The following ARB2A variants were observed in gnomAD, a reference collection of about 807,000 sequenced individuals.
The protein encoded by ARB2A is ARB2 cotranscriptional regulator A.
chr5:94,074,529 A>G, the ARB2A span: 1 of 710,768 alleles, frequency 1.4e-6, no homozygotes, highest in Admixed American at 3.1e-5. Context: ...AATTGCAAAT[A>G]CTTTAGGTAC....
the ARB2A span, chr5:93,860,567 A>T: frequency 6.6e-6 from 1 of 152,086 alleles, no homozygotes; most frequent in Non-Finnish European, 1.5e-5. Flanking sequence ...GAACATTAAG[A>T]CAAAATTCAT....
At chr5:93,809,611 A>G in the ARB2A span, among the ~76,000 whole-genome samples, 1 of 151,894 alleles carries the variant, frequency 6.6e-6, no homozygotes, top group Admixed American at 6.6e-5. Flanking sequence ...GCATAGAGAT[A>G]AAAAAAATCA....
the ARB2A span, among the ~76,000 whole-genome samples, chr5:93,747,603 C>T: frequency 3.9e-5 from 6 of 152,100 alleles, no homozygotes; most frequent in Non-Finnish European, 5.9e-5. Flanking sequence ...TTCCAGTCAC[C>T]TCACTATAAT....
At chr5:94,034,957 A>C in the ARB2A span, among the ~76,000 whole-genome samples, 509 of 152,252 alleles carry the variant, frequency 3.3e-3, 4 homozygotes, top group African/African-American at 0.012. Context: ...CACACTCCTT[A>C]TGAGAATCTA....
At chr5:94,090,127 T>G in the ARB2A span, among the ~76,000 whole-genome samples, 1 of 152,246 alleles carries the variant, frequency 6.6e-6, no homozygotes, top group Non-Finnish European at 1.5e-5. Flanking sequence ...TTCTTAAAAA[T>G]GAATCAATAT....
the ARB2A span, among the ~76,000 whole-genome samples, chr5:94,085,998 A>G: frequency 6.6e-6 from 1 of 152,222 alleles, no homozygotes; most frequent in African/African-American, 2.4e-5. Flanking sequence ...GCAAAATTCA[A>G]TAGTTATTAC....
At chr5:93,900,268 T>C in the ARB2A span, among the ~76,000 whole-genome samples, 1 of 152,034 alleles carries the variant, frequency 6.6e-6, no homozygotes, top group African/African-American at 2.4e-5. Flanking sequence ...AATAAAGTAT[T>C]AAGGTAAAAA....
the ARB2A span, among the ~76,000 whole-genome samples, chr5:93,709,774 CAATT>C: frequency 3.3e-5 from 5 of 150,598 alleles, no homozygotes; most frequent in Non-Finnish European, 2.9e-5. Flanking sequence ...GTCTAGTTGA[CAATT>C]TATTTTTGTT....
chr5:93,682,826 A>G, the ARB2A span: 4 of 1,285,446 alleles, frequency 3.1e-6, no homozygotes, highest in Admixed American at 1.7e-5. Context: ...CAAATTGTTT[A>G]AACTATTTTC....
At chr5:93,770,493 A>G in the ARB2A span, among the ~76,000 whole-genome samples, 2 of 152,142 alleles carry the variant, frequency 1.3e-5, no homozygotes, top group Non-Finnish European at 2.9e-5. Flanking sequence ...AGGGTATTCA[A>G]TTAGGAAAAG....
chr5:93,955,871 T>C, the ARB2A span, among the ~76,000 whole-genome samples: 2 of 152,274 alleles, frequency 1.3e-5, no homozygotes, highest in East Asian at 3.9e-4. Context: ...CTCTTGGGCA[T>C]GAATAGAGTT....
chr5:93,735,902 A>T, the ARB2A span: 1 of 151,998 alleles, frequency 6.6e-6, no homozygotes, highest in Admixed American at 6.6e-5. Flanking sequence ...CTTCTGCTTG[A>T]TGATGTTGTG....
At chr5:93,970,183 G>A in the ARB2A span, among the ~76,000 whole-genome samples, 1 of 152,008 alleles carries the variant, frequency 6.6e-6, no homozygotes, top group African/African-American at 2.4e-5. Flanking sequence ...AGGCATATTA[G>A]GAGAGTAAGA....
the ARB2A span, among the ~76,000 whole-genome samples, chr5:93,768,591 G>A: frequency 2.0e-4 from 30 of 151,634 alleles, no homozygotes; most frequent in East Asian, 9.7e-4. Flanking sequence ...GTGTGTGTGT[G>A]TATATATATG....
chr5:93,962,432 T>A, the ARB2A span, among the ~76,000 whole-genome samples: 5 of 152,196 alleles, frequency 3.3e-5, no homozygotes, highest in Admixed American at 6.5e-5. Flanking sequence ...GGCATGATCA[T>A]AATGTTTACT....
the ARB2A span, among the ~76,000 whole-genome samples, chr5:93,808,068 C>A: frequency 6.6e-6 from 1 of 151,964 alleles, no homozygotes; most frequent in Non-Finnish European, 1.5e-5. Flanking sequence ...GCACGTCCTG[C>A]AACCTAGGGA....
At chr5:94,040,252 C>A in the ARB2A span, among the ~76,000 whole-genome samples, 1 of 152,014 alleles carries the variant, frequency 6.6e-6, no homozygotes, top group Non-Finnish European at 1.5e-5. Context: ...TGTACAGGAT[C>A]GTGGGACATG....
the ARB2A span, among the ~76,000 whole-genome samples, chr5:93,721,067 T>C: frequency 3.3e-5 from 5 of 152,224 alleles, no homozygotes; most frequent in African/African-American, 1.2e-4. Flanking sequence ...ACTTTAATAG[T>C]ATAATCTTAA....
the ARB2A span, among the ~76,000 whole-genome samples, chr5:93,691,399 A>G: frequency 2.0e-5 from 3 of 151,944 alleles, no homozygotes; most frequent in African/African-American, 7.2e-5. Context: ...ATTAACAGCC[A>G]AATTGATCAA....
Sources: gnomAD v4.1 joint callset for allele counts (sites outside exome capture counted in the v4.1 genomes callset) on GRCh38, gnomAD v4.1.1 for gene constraint, MANE v1.5 for transcripts, NCBI Gene and HGNC (gene_info 2026-07-23, HGNC 2026-07-21) for gene names.